FAT3: variants seen among roughly 807,000 people sequenced by gnomAD.
FAT3 encodes the protein FAT atypical cadherin 3.
In FAT3, 95 loss-of-function variants were observed where a neutral mutation model predicts 310.2. That is an observed-to-expected ratio of 0.31 (90% CI 0.26 to 0.36). The LOEUF is 0.36. FAT3 is among the 10% of genes least tolerant of loss of function. The probability of loss-of-function intolerance (pLI) is 1.00; values close to 1 mark genes in which losing one functional copy is unlikely to be tolerated. For missense variants in FAT3, 5,408 were observed against 5,715.6 expected, an observed-to-expected ratio of 0.95 and a Z score of 1.74; for synonymous variants, 2,314 against 2,192.9, an observed-to-expected ratio of 1.06 and a Z score of -1.54.
chr11:92,592,355 TCTGTCA>T (rs1332168643), intron 3 of FAT3, among the ~76,000 whole-genome samples: 4 of 128,998 alleles, frequency 3.1e-5, no homozygotes, highest in African/African-American at 1.2e-4. Flanking sequence ...AGAGTCTCGC[TCTGTCA>T]CCCAGGCTGG....
At chr11:92,754,627 C>CAAAAAAAAAAAAAAAAAAA (rs71064722) in intron 4 of FAT3, among the ~76,000 whole-genome samples, 565 of 32,610 alleles carry the variant, frequency 0.017, 64 homozygotes, top group African/African-American at 0.044. Flanking sequence ...GACTCTGCCT[C>CAAAAAAAAAAAAAAAAAAA]AAAAAAAAAA....
intron 3 of FAT3, among the ~76,000 whole-genome samples, chr11:92,631,211 T>C (rs1941546579): frequency 6.6e-6 from 1 of 152,206 alleles, no homozygotes; most frequent in African/African-American, 2.4e-5. Flanking sequence ...CTCAGACTTG[T>C]GTATTCTCCC....
chr11:92,292,557 G>C (rs1946718442), intron 1 of FAT3, among the ~76,000 whole-genome samples: 1 of 152,052 alleles, frequency 6.6e-6, no homozygotes, highest in Non-Finnish European at 1.5e-5. Flanking sequence ...TGTTTATTAA[G>C]CAAATCCGGT....
chr11:92,560,135 T>A (rs1002203958), intron 3 of FAT3, among the ~76,000 whole-genome samples: 31 of 152,192 alleles, frequency 2.0e-4, no homozygotes, highest in African/African-American at 6.8e-4. Flanking sequence ...ACTTTTTGTT[T>A]TTAGCCATCA....
chr11:92,523,055 C>T (rs558989622), intron 2 of FAT3, among the ~76,000 whole-genome samples: 33 of 152,278 alleles, frequency 2.2e-4, no homozygotes, highest in Non-Finnish European at 4.1e-4. Context: ...TTCTCCTTTC[C>T]ACTATTTAGT....
chr11:92,674,833 A>G (rs1207655447), intron 3 of FAT3, among the ~76,000 whole-genome samples: 1 of 152,134 alleles, frequency 6.6e-6, no homozygotes, highest in Non-Finnish European at 1.5e-5. Flanking sequence ...CAGCCTCTTT[A>G]TCTTACTTCT....
At chr11:92,544,348 A>G (rs1289562652) in intron 3 of FAT3, among the ~76,000 whole-genome samples, 2 of 152,184 alleles carry the variant, frequency 1.3e-5, no homozygotes, top group African/African-American at 4.8e-5. Flanking sequence ...ACATTTCAAA[A>G]TAGCTAGAAG....
At chr11:92,749,613 T>C (rs974591633) in intron 4 of FAT3, among the ~76,000 whole-genome samples, 3 of 152,182 alleles carry the variant, frequency 2.0e-5, no homozygotes, top group Admixed American at 6.5e-5. Flanking sequence ...CTGGGGTTCT[T>C]TGGGACATAT....
intron 3 of FAT3, among the ~76,000 whole-genome samples, chr11:92,557,503 C>T (rs761857799): frequency 2.0e-5 from 3 of 152,196 alleles, no homozygotes; most frequent in Non-Finnish European, 4.4e-5. Flanking sequence ...CTGTGACCAA[C>T]TCTCAAGCCA....
chr11:92,426,092 G>A (rs1340019346), intron 2 of FAT3, among the ~76,000 whole-genome samples: 1 of 152,148 alleles, frequency 6.6e-6, no homozygotes, highest in Non-Finnish European at 1.5e-5. Flanking sequence ...AGCGTGAGAT[G>A]GAATCTCATT....
chr11:92,550,948 CTCT>C (rs1039751822), intron 3 of FAT3, among the ~76,000 whole-genome samples: 1 of 151,620 alleles, frequency 6.6e-6, no homozygotes. Context: ...TTTGGAAGCC[CTCT>C]TCTTCTTGAT....
chr11:92,667,447 C>G (rs1942990874), intron 3 of FAT3, among the ~76,000 whole-genome samples: 1 of 152,140 alleles, frequency 6.6e-6, no homozygotes, highest in Non-Finnish European at 1.5e-5. Flanking sequence ...CATCACCACA[C>G]CATCATCACC....
chr11:92,323,963 T>C (rs564588769), intron 1 of FAT3, among the ~76,000 whole-genome samples: 2 of 152,352 alleles, frequency 1.3e-5, no homozygotes, highest in East Asian at 1.9e-4. Context: ...TGTTATGTTA[T>C]AGAGATGGCT....
At chr11:92,347,939 C>A (rs536735819) in intron 1 of FAT3, among the ~76,000 whole-genome samples, 2 of 152,080 alleles carry the variant, frequency 1.3e-5, no homozygotes, top group African/African-American at 4.8e-5. Flanking sequence ...AGCTTGGCTT[C>A]AATGTGGAAA....
intron 3 of FAT3, among the ~76,000 whole-genome samples, chr11:92,688,588 A>C (rs1943702974): frequency 6.6e-6 from 1 of 152,132 alleles, no homozygotes; most frequent in Non-Finnish European, 1.5e-5. Flanking sequence ...TGGGACCCTG[A>C]CGTGAGTATT....
intron 6 of FAT3, among the ~76,000 whole-genome samples, chr11:92,768,703 C>T (rs1050791711): frequency 6.6e-6 from 1 of 152,140 alleles, no homozygotes; most frequent in Admixed American, 6.6e-5. Flanking sequence ...CGCCTCAATG[C>T]TTAAGAAACA....
chr11:92,658,489 A>T (rs753415044), intron 3 of FAT3, among the ~76,000 whole-genome samples: 2 of 152,124 alleles, frequency 1.3e-5, no homozygotes, highest in Admixed American at 1.3e-4. Flanking sequence ...AACAGTAGGC[A>T]AGACAGGGCT....
At chr11:92,273,325 A>G (rs943304964) in intron 1 of FAT3, among the ~76,000 whole-genome samples, 10 of 152,110 alleles carry the variant, frequency 6.6e-5, no homozygotes, top group African/African-American at 2.4e-4. Flanking sequence ...CAGTCCTATT[A>G]AGTCCTTCTG....
At chr11:92,748,134 T>C (rs552571061) in intron 4 of FAT3, among the ~76,000 whole-genome samples, 1 of 152,328 alleles carries the variant, frequency 6.6e-6, no homozygotes, top group African/African-American at 2.4e-5. Context: ...AGAGGTTTAA[T>C]TGACTCACAG....
Sources: allele counts gnomAD v4.1 joint callset (sites outside exome capture counted in the v4.1 genomes callset), GRCh38; gene constraint gnomAD v4.1.1; transcripts MANE v1.5; gene names NCBI Gene and HGNC (gene_info 2026-07-23, HGNC 2026-07-21).